The following OSMR variants were observed in gnomAD, a reference collection of about 807,000 sequenced individuals.
The protein encoded by OSMR is oncostatin M receptor.
In OSMR, 81 loss-of-function variants were observed where a neutral mutation model predicts 99.9. That is an observed-to-expected ratio of 0.81 (90% confidence interval 0.68 to 0.97). The LOEUF is 0.97. Among genes scored for constraint, OSMR ranks in the 50% least tolerant of loss-of-function variants. The pLI is 0.00. For synonymous variants in OSMR, 406 were observed against 410.4 expected (o/e 0.99, Z 0.13); for missense variants, 1,099 against 1,153.4 (o/e 0.95, Z 0.68).
chr5:38,881,599 T>C lies in OSMR; in HGVS notation c.253T>C (p.Tyr85His). The change falls in exon 4 of 18, where the codon TAC becomes CAC. Residue 85 changes from tyrosine (Y) to histidine (H), a missense_variant. Transcript: ENST00000274276. ...ETSNVIWVGN[Y>H]STTVKWNQVL... is the part of the protein sequence containing the mutation. ...GTTTTCTCTTTGCTTTTAGGGGAAT[T>C]ACAGCACCACTGTGAAGTGGAACCA... The C allele has an allele frequency of 2.5e-6, 4 of 1,614,196 alleles. No individual in the cohort carries two copies. In the South Asian group the frequency reaches 4.4e-5, roughly 18 times the overall value.
exon 3 of OSMR, chr5:38,945,110 G>C (rs1352996060): frequency 7.3e-7 from 1 of 1,371,570 alleles, no homozygotes; most frequent in Middle Eastern, 1.8e-4. Flanking sequence ...CACCATAACG[G>C]CTTAATTCCT....
Position 38,933,567 on chromosome 5 carries a change from GACC to G in OSMR, c.*126_*128del. On this transcript the variant is annotated 3_prime_UTR_variant, in exon 18 of 18. Coordinates refer to ENST00000274276, the MANE Select transcript of OSMR (RefSeq NM_003999.3). ...CGATTTGCAGGTCTGGTTTATATAA[GACC>G]ACTACAGTCTGGCTAGGTTAAAGGC... 9.5e-7 allele frequency: 1 copy of G among 1,053,956 alleles called. No homozygotes were observed. 65.3% of individuals were successfully genotyped at this position (1,053,956 alleles called of 1,614,324 possible). A position where few individuals can be genotyped will look rare whatever the true frequency, so the allele number is the denominator to read the frequency against.
intron 3 of OSMR, among the ~76,000 whole-genome samples, chr5:38,880,813 G>A (rs1163831473): frequency 6.6e-6 from 1 of 152,200 alleles, no homozygotes; most frequent in Non-Finnish European, 1.5e-5. Context: ...AGGTGTAAAC[G>A]GGCCTTTGAA....
intron 7 of OSMR, among the ~76,000 whole-genome samples, chr5:38,892,328 T>C (rs1321459586): frequency 6.6e-6 from 1 of 151,878 alleles, no homozygotes; most frequent in African/African-American, 2.4e-5. Context: ...ATCTAAGTGT[T>C]CTGCCTGCCC....
Position 38,941,513 on chromosome 5 carries a change from T to C in OSMR, c.75-2688T>C, listed in dbSNP as rs184950890. 2.4e-3 allele frequency: 565 copies of C among 231,482 alleles called. 13 individuals carry two copies. The Admixed American group carries it at 0.029, about 12-fold the overall frequency. The allele number at this position is 231,482 out of a possible 1,614,324, so 14.3% of individuals were successfully genotyped here. On this transcript the variant is annotated intron_variant and NMD_transcript_variant, in intron 1 of 2. Coordinates refer to the OSMR transcript ENST00000508882. ...GAAAGTTGATGAAAGTGGAAGTCCA[T>C]TGCAAATATATGCATTCTATAAATG...
At chr5:38,925,819 C>T (rs1746448892) in intron 15 of OSMR, among the ~76,000 whole-genome samples, 1 of 152,168 alleles carries the variant, frequency 6.6e-6, no homozygotes, top group African/African-American at 2.4e-5. Flanking sequence ...CAGCAGCAAA[C>T]GAATTGGTTC....
intron 7 of OSMR, among the ~76,000 whole-genome samples, chr5:38,887,565 G>A (rs1406740628): frequency 6.6e-6 from 1 of 152,116 alleles, no homozygotes; most frequent in Non-Finnish European, 1.5e-5. Flanking sequence ...GTTTATTCCT[G>A]CACTAGTATT....
intron 7 of OSMR, among the ~76,000 whole-genome samples, chr5:38,896,411 G>A (rs1383330213): frequency 6.6e-6 from 1 of 151,874 alleles, no homozygotes; most frequent in African/African-American, 2.4e-5. Context: ...TGTTGCTATT[G>A]TAAATGGGAT....
chr5:38,943,661 AAAT>A (rs2112794145), intron 1 of OSMR, among the ~76,000 whole-genome samples: 1 of 152,136 alleles, frequency 6.6e-6, no homozygotes, highest in African/African-American at 2.4e-5. Flanking sequence ...AAAAATACAA[AAAT>A]TAGCTAGGTG....
intron 1 of OSMR, chr5:38,942,267 T>C (rs1342265589): frequency 2.5e-6 from 3 of 1,196,558 alleles, no homozygotes; most frequent in Admixed American, 3.6e-5. Flanking sequence ...AATATGAATA[T>C]ATATAGTATG....
chr5:38,917,410 T>C (rs888442232), intron 9 of OSMR, 136 bp from the exon 10 acceptor site: 19 of 1,473,022 alleles, frequency 1.3e-5, no homozygotes, highest in African/African-American at 9.8e-5. Flanking sequence ...GTAGAAGTCA[T>C]AGAGAGTGAA....
intron 1 of OSMR, among the ~76,000 whole-genome samples, chr5:38,849,159 G>A (rs1478006830): frequency 2.6e-5 from 4 of 152,176 alleles, no homozygotes; most frequent in East Asian, 3.8e-4. Flanking sequence ...CATTAGCAAC[G>A]TTGCTTCAGA....
intron 1 of OSMR, among the ~76,000 whole-genome samples, chr5:38,849,535 CT>C (rs1471476549): frequency 8.6e-5 from 13 of 150,608 alleles, no homozygotes; most frequent in African/African-American, 3.2e-4. Flanking sequence ...TTTTGAAAAT[CT>C]TGTGGTATAT....
intron 1 of OSMR, chr5:38,944,144 T>C: frequency 2.2e-6 from 1 of 461,452 alleles, no homozygotes; most frequent in Non-Finnish European, 4.2e-6. Context: ...TAAAAATAAC[T>C]GTATTTTCCA....
At chr5:38,857,728 T>G (rs1018195580) in intron 1 of OSMR, among the ~76,000 whole-genome samples, 3 of 152,138 alleles carry the variant, frequency 2.0e-5, no homozygotes, top group Admixed American at 1.3e-4. Flanking sequence ...AGTGCAATGG[T>G]GCCATCTCAG....
intron 7 of OSMR, among the ~76,000 whole-genome samples, chr5:38,903,378 C>T (rs796995327): frequency 4.6e-5 from 7 of 152,338 alleles, no homozygotes; most frequent in Admixed American, 2.0e-4. Flanking sequence ...GATTTTATAT[C>T]GTGACAACAC....
intron 9 of OSMR, among the ~76,000 whole-genome samples, chr5:38,907,500 G>T (rs1745320645): frequency 6.6e-6 from 1 of 152,156 alleles, no homozygotes. Context: ...TGGCCAAAGG[G>T]TGACCATGAG....
chr5:38,906,944 G>C (rs564629957), intron 9 of OSMR, among the ~76,000 whole-genome samples: 2 of 151,978 alleles, frequency 1.3e-5, no homozygotes, highest in Admixed American at 1.3e-4. Flanking sequence ...TGTTAATTTC[G>C]TGACAGTTGC....
At chr5:38,926,046 T>G (rs574870918) in intron 15 of OSMR, among the ~76,000 whole-genome samples, 1 of 152,288 alleles carries the variant, frequency 6.6e-6, no homozygotes, top group East Asian at 1.9e-4. Flanking sequence ...ATGGAAAAAT[T>G]TATTCTCATG....
Sources: allele counts gnomAD v4.1 joint callset (sites outside exome capture counted in the v4.1 genomes callset), GRCh38; gene constraint gnomAD v4.1.1; transcripts MANE v1.5; gene names NCBI Gene and HGNC (gene_info 2026-07-23, HGNC 2026-07-21).